Variants in LEPROTL1 observed in about 807,000 individuals in gnomAD.
LEPROTL1 encodes the protein leptin receptor overlapping transcript like 1, also known as leptin receptor overlapping transcript-like 1.
Under a neutral mutation model 15.4 loss-of-function variants are expected in LEPROTL1, and 6 were observed. That is an observed-to-expected ratio of 0.39 (90% CI 0.21 to 0.77). The LOEUF is 0.77. Ranked by LOEUF, LEPROTL1 falls within the 30% of genes least tolerant of loss-of-function variation. The pLI, the probability that LEPROTL1 is intolerant of heterozygous loss-of-function variation, is 0.41. For synonymous variants in LEPROTL1, 56 were observed against 52.6 expected (o/e 1.06, Z -0.28); for missense variants, 128 against 158.1 (o/e 0.81, Z 1.02).
At chr8:30,137,974 G>A (rs1013081347), downstream of LEPROTL1, 9 of 188,220 alleles carry the variant, frequency 4.8e-5, no homozygotes, top group East Asian at 1.2e-3. Flanking sequence ...TGGATCAGCT[G>A]GTACTACCCA....
intron 4 of LEPROTL1, chr8:30,137,123 G>A (rs1045641785): frequency 1.1e-5 from 7 of 656,502 alleles, no homozygotes; most frequent in Non-Finnish European, 1.6e-5. Context: ...TGCTCCAAGT[G>A]ACCCTGAAGC....
At chr8:30,111,511 T>TA (rs749030786), downstream of LEPROTL1, among the ~76,000 whole-genome samples, 41 of 152,230 alleles carry the variant, frequency 2.7e-4, no homozygotes, top group Non-Finnish European at 4.7e-4. Context: ...ATGAGGTAGT[T>TA]ATGCTGAAAT....
At chr8:30,133,106 G>C (rs1803063763) in intron 4 of LEPROTL1, among the ~76,000 whole-genome samples, 1 of 151,818 alleles carries the variant, frequency 6.6e-6, no homozygotes, top group Non-Finnish European at 1.5e-5. Flanking sequence ...TTATAGACAT[G>C]GGGTCTCACT....
intron 1 of LEPROTL1, among the ~76,000 whole-genome samples, chr8:30,100,774 A>T (rs1802453457): frequency 6.6e-6 from 1 of 152,316 alleles, no homozygotes; most frequent in East Asian, 1.9e-4. Context: ...GCTTTAGTCT[A>T]GGTCATTGGT....
rs1465340910 is a variant in LEPROTL1 at position 30,137,044 on chromosome 8, TGGCAA to T, written c.395-227_395-223del. Among the ~76,000 whole-genome samples the T allele has an allele frequency of 5.9e-5, 9 of 151,996 alleles. No individual in the cohort carries two copies. In the South Asian group the frequency reaches 1.9e-3, roughly 32 times the overall value. ...AAAATTCTAGGTATAGTCAGGAGGA[TGGCAA>T]AGCAAGTGAACCAACCGCAGGCTAG... On this transcript the variant is annotated intron_variant, in intron 4 of 4. Coordinates refer to the LEPROTL1 transcript ENST00000442880.
In LEPROTL1 at chr8:30,129,359, T is replaced by C. The variant is rs544001280; in HGVS notation, c.280-3016T>C. Reference sequence around the variant, plus strand: ...ATAACTTCTAACTTAGTATTATCTTTGCGAAGTTTTAACGATTAAAAGTGT... The same window carrying C: ...ATAACTTCTAACTTAGTATTATCTTCGCGAAGTTTTAACGATTAAAAGTGT... On this transcript the variant is annotated intron_variant, in intron 3 of 4. Transcript: ENST00000442880. Among the ~76,000 whole-genome samples, 4 of 152,322 alleles carry C rather than the reference T, an allele frequency of 2.6e-5. No individual in the cohort carries two copies. In the South Asian group the frequency reaches 8.3e-4, roughly 32 times the overall value.
chr8:30,095,638 G>T, intron 1 of LEPROTL1, 110 bp downstream of exon 1: 1 of 963,484 alleles, frequency 1.0e-6, no homozygotes, highest in Non-Finnish European at 1.4e-6. Context: ...CGCGCGTGGG[G>T]TCCCTGCGCC....
At chr8:30,134,770 ACTC>A (rs1485690143) in intron 4 of LEPROTL1, among the ~76,000 whole-genome samples, 1 of 150,790 alleles carries the variant, frequency 6.6e-6, no homozygotes, top group Non-Finnish European at 1.5e-5. Context: ...CTGGTCTTGA[ACTC>A]CTCATCTCAG....
At chr8:30,111,232 G>A (rs1802649886), downstream of LEPROTL1, among the ~76,000 whole-genome samples, 2 of 152,160 alleles carry the variant, frequency 1.3e-5, no homozygotes, top group African/African-American at 4.8e-5. Context: ...TAGCAGTGAA[G>A]ACAAAGGTGT....
intron 3 of LEPROTL1, among the ~76,000 whole-genome samples, chr8:30,129,564 G>C (rs964964821): frequency 6.6e-6 from 1 of 151,996 alleles, no homozygotes; most frequent in South Asian, 2.1e-4. Context: ...AATTAGCTGG[G>C]TGTGGTGGCA....
In LEPROTL1 at chr8:30,117,786, G is replaced by T. The variant is rs865986369; in HGVS notation, c.279+13300G>T. 5 of 745,530 alleles carry T rather than the reference G, an allele frequency of 6.7e-6. No individual in the cohort carries two copies. The Admixed American group carries it at 8.5e-5, about 13-fold the overall frequency. The allele number at this position is 745,530 out of a possible 1,614,324, so 46.2% of individuals were successfully genotyped here. A position where few individuals can be genotyped will look rare whatever the true frequency, so the allele number is the denominator to read the frequency against. Reference sequence around the variant, plus strand: ...GGACATTCATGCGCACCATTGTGGCGGCGCAGAAAGATGGCAGGAGGAGCA... The same window carrying T: ...GGACATTCATGCGCACCATTGTGGCTGCGCAGAAAGATGGCAGGAGGAGCA... On this transcript the variant is annotated intron_variant, in intron 3 of 4. Transcript: ENST00000442880.
rs1264855129 is a variant in LEPROTL1, at chr8:30,106,571, A to G, written c.*709A>G. On this transcript the variant is annotated 3_prime_UTR_variant, in exon 4 of 4. Coordinates refer to ENST00000321250, the MANE Select transcript of LEPROTL1 (RefSeq NM_015344.3). ...GTTAGAAGAATTTATGTTAAACTTT[A>G]AGGTAAGGGTGTAAAAACATTTTTG... 3 of 972,504 alleles carry G rather than the reference A, an allele frequency of 3.1e-6. No homozygotes were observed. The highest frequency in any genetic ancestry group is 3.6e-6 in the Non-Finnish European group (3 of 828,414). 60.2% of individuals were successfully genotyped at this position (972,504 alleles called of 1,614,324 possible). A position where few individuals can be genotyped will look rare whatever the true frequency, so the allele number is the denominator to read the frequency against.
At chr8:30,118,758 A>G (rs1221083993) in intron 3 of LEPROTL1, among the ~76,000 whole-genome samples, 4 of 152,200 alleles carry the variant, frequency 2.6e-5, no homozygotes, top group African/African-American at 4.8e-5. Context: ...GCAGGGTGAT[A>G]GTGGGGAGAA....
At chr8:30,124,617 TTTC>T (rs1267617926) in intron 3 of LEPROTL1, among the ~76,000 whole-genome samples, 4 of 152,206 alleles carry the variant, frequency 2.6e-5, no homozygotes, top group African/African-American at 9.6e-5. Flanking sequence ...TATAATATTC[TTTC>T]AAAGTCGGTT....
intron 4 of LEPROTL1, chr8:30,132,816 T>G (rs1425203560): frequency 6.4e-7 from 1 of 1,551,774 alleles, no homozygotes; most frequent in Admixed American, 2.0e-5. Context: ...AGCCTCCAGA[T>G]GCTGCCTTCA....
Position 30,101,885 on chromosome 8 carries a change from A to T in LEPROTL1, c.17-13A>T. Reference sequence around the variant, plus strand: ...AATTTATATTCCTGTTGCACTTTTTATTTGCTTTGCAGCTTTGATTAGTTT... The same window carrying T: ...AATTTATATTCCTGTTGCACTTTTTTTTTGCTTTGCAGCTTTGATTAGTTT... On this transcript the variant is annotated splice_polypyrimidine_tract_variant and intron_variant, in intron 1 of 3. Coordinates refer to ENST00000321250, the MANE Select transcript of LEPROTL1 (RefSeq NM_015344.3). The T allele has an allele frequency of 6.4e-7, 1 of 1,562,192 alleles. No homozygotes were observed. The highest frequency in any genetic ancestry group is 8.8e-7 in the Non-Finnish European group (1 of 1,138,774).
At chr8:30,132,351 A>G in intron 3 of LEPROTL1, 6 of 1,551,754 alleles carry the variant, frequency 3.9e-6, no homozygotes, top group Non-Finnish European at 5.2e-6. Flanking sequence ...TTGAGAACAC[A>G]GATATCCTGT....
intron 4 of LEPROTL1, among the ~76,000 whole-genome samples, chr8:30,135,260 A>G (rs2117538943): frequency 6.6e-6 from 1 of 152,164 alleles, no homozygotes; most frequent in East Asian, 1.9e-4. Context: ...GATCATGTAA[A>G]TGGGGAAATT....
Position 30,119,764 on chromosome 8 carries a change from A to AT in LEPROTL1, c.280-12604dup, listed in dbSNP as rs747800423. Among the ~76,000 whole-genome samples, 234 of 152,194 alleles carry AT rather than the reference A, an allele frequency of 1.5e-3. 1 individual carries two copies. The highest frequency in any genetic ancestry group is 2.1e-3 in the Non-Finnish European group (144 of 68,002). ...TTAAAATATGGAGAGTTTTTTCGTG[A>AT]TTTTTTTATAAAAATGCTTTTAAGT... is the stretch of plus-strand genomic sequence containing the variant. On this transcript the variant is annotated intron_variant, in intron 3 of 4. Transcript: ENST00000442880.
Sources: gnomAD v4.1 joint callset for allele counts (sites outside exome capture counted in the v4.1 genomes callset) on GRCh38, gnomAD v4.1.1 for gene constraint, MANE v1.5 for transcripts, NCBI Gene and HGNC (gene_info 2026-07-23, HGNC 2026-07-21) for gene names.